SLC2A13: variants seen among roughly 807,000 people sequenced by gnomAD.
SLC2A13 encodes proton myo-inositol cotransporter.
Under a neutral mutation model 64.4 loss-of-function variants are expected in SLC2A13, and 32 were observed. The observed-to-expected ratio is 0.50, with a 90% CI of 0.37 to 0.67. The LOEUF is 0.67. Among genes scored for constraint, SLC2A13 ranks in the 30% least tolerant of loss-of-function variants. The pLI, the probability that SLC2A13 is intolerant of heterozygous loss-of-function variation, is 0.00. For synonymous variants in SLC2A13, 338 were observed against 327.1 expected, an observed-to-expected ratio of 1.03 and a Z score of -0.36; for missense variants, 743 against 829.2, an observed-to-expected ratio of 0.90 and a Z score of 1.28.
intron 4 of SLC2A13, among the ~76,000 whole-genome samples, chr12:39,903,862 T>C (rs987715928): frequency 5.9e-5 from 9 of 152,076 alleles, no homozygotes; most frequent in African/African-American, 2.2e-4. Flanking sequence ...GAGTGGCCTC[T>C]TATATTTACT....
intron 4 of SLC2A13, among the ~76,000 whole-genome samples, chr12:39,896,296 GTA>G (rs1446738710): frequency 3.4e-5 from 4 of 118,450 alleles, no homozygotes; most frequent in Admixed American, 8.6e-5. Flanking sequence ...GTATATGTGT[GTA>G]TATATGTATA....
intron 1 of SLC2A13, among the ~76,000 whole-genome samples, chr12:40,095,634 T>G (rs1013491540): frequency 6.6e-6 from 1 of 152,244 alleles, no homozygotes; most frequent in East Asian, 1.9e-4. Flanking sequence ...TAAATACTTT[T>G]AAACAAAATG....
At chr12:39,929,410 G>A (rs978068359) in intron 4 of SLC2A13, among the ~76,000 whole-genome samples, 3 of 152,026 alleles carry the variant, frequency 2.0e-5, no homozygotes, top group African/African-American at 7.2e-5. Context: ...AATTAGCCAG[G>A]TGTGGTGGTG....
intron 4 of SLC2A13, among the ~76,000 whole-genome samples, chr12:39,896,161 T>C (rs1037456821): frequency 5.4e-5 from 8 of 149,136 alleles, no homozygotes; most frequent in Admixed American, 2.7e-4. Context: ...TATACACGTG[T>C]ATACATATAT....
intron 3 of SLC2A13, among the ~76,000 whole-genome samples, chr12:40,014,916 C>T (rs539729030): frequency 2.6e-5 from 4 of 152,280 alleles, no homozygotes; most frequent in South Asian, 4.1e-4. Context: ...CAAATGACTA[C>T]ACTTTGGGAA....
At chr12:39,903,644 A>AG (rs1424457163) in intron 4 of SLC2A13, among the ~76,000 whole-genome samples, 1 of 152,054 alleles carries the variant, frequency 6.6e-6, no homozygotes, top group Non-Finnish European at 1.5e-5. Flanking sequence ...ATGTGAGCCT[A>AG]GGGCTTCTAC....
intron 1 of SLC2A13, among the ~76,000 whole-genome samples, chr12:40,058,192 C>T (rs1408223313): frequency 6.6e-6 from 1 of 152,062 alleles, no homozygotes; most frequent in Non-Finnish European, 1.5e-5. Context: ...AACAATGTCA[C>T]ATAACTTGTT....
intron 3 of SLC2A13, among the ~76,000 whole-genome samples, chr12:39,991,617 G>A (rs558347675): frequency 6.6e-6 from 1 of 152,210 alleles, no homozygotes; most frequent in South Asian, 2.1e-4. Context: ...TAGAATACAG[G>A]CTACTTACCA....
chr12:39,908,326 G>C (rs1184260576), intron 4 of SLC2A13: 2 of 151,440 alleles, frequency 1.3e-5, no homozygotes, highest in African/African-American at 4.9e-5. Context: ...GCTTGCTCTG[G>C]GGTTATGAGT....
In SLC2A13 at chr12:39,971,368, T is replaced by A. The variant is rs28370719; in HGVS notation, c.926-20003A>T. Among the ~76,000 whole-genome samples the A allele has an allele frequency of 2.8e-3, 434 of 152,338 alleles. 5 individuals carry two copies. Among genetic ancestry groups the A allele is most frequent in the African/African-American group, 9.8e-3 (407 of 41,586 alleles). On this transcript the variant is annotated intron_variant, in intron 3 of 9. Coordinates refer to ENST00000280871, the MANE Select transcript of SLC2A13 (RefSeq NM_052885.4). ...AATATAATTTGGTTTTTAAAAATAT[T>A]TCCTTTAGATGTTTTTCACCTAATA...
At position 39,759,393 on chromosome 12, in the gene SLC2A13, T is replaced by G. The variant is rs1940056750; in HGVS notation, c.*633A>C. The G allele has an allele frequency of 6.6e-6, 1 of 152,296 alleles. No individual in the cohort carries two copies. The highest frequency in any genetic ancestry group is 1.5e-5 in the Non-Finnish European group (1 of 67,954). 9.4% of individuals were successfully genotyped at this position (152,296 alleles called of 1,614,324 possible). ...TATTTTCATAATGTTCAAAAGATAG[T>G]GTGCAGAGTCAGTATCTGAAGAACT... On this transcript the variant is annotated 3_prime_UTR_variant, in exon 10 of 10. Coordinates refer to ENST00000280871, the MANE Select transcript of SLC2A13 (RefSeq NM_052885.4).
At chr12:39,773,540 C>T (rs1024101353) in intron 7 of SLC2A13, among the ~76,000 whole-genome samples, 4 of 152,204 alleles carry the variant, frequency 2.6e-5, no homozygotes, top group Non-Finnish European at 5.9e-5. Context: ...ACCTCTCCAT[C>T]ATTTATCTTT....
intron 6 of SLC2A13, among the ~76,000 whole-genome samples, chr12:39,837,281 A>T (rs1352889095): frequency 1.3e-5 from 2 of 149,880 alleles, no homozygotes; most frequent in Admixed American, 1.3e-4. Flanking sequence ...AAAACTGGCT[A>T]GCCATATGTA....
At chr12:39,880,481 T>C (rs555771372) in intron 4 of SLC2A13, among the ~76,000 whole-genome samples, 8 of 152,156 alleles carry the variant, frequency 5.3e-5, no homozygotes, top group Admixed American at 2.6e-4. Flanking sequence ...CAATTGCACA[T>C]ATTTCATACG....
rs190574680 is a variant in SLC2A13, at chr12:39,859,494, C to G, written c.1319+5268G>C. Among the ~76,000 whole-genome samples the G allele has an allele frequency of 1.3e-3, 197 of 151,978 alleles. 1 individual carries two copies. Among genetic ancestry groups the G allele is most frequent in the African/African-American group, 4.5e-3 (186 of 41,468 alleles). ...GACTTTAAGTACCTCTGCAGATGACCCTGGTTAAGACTCTTAATTGAGAAG... is the reference window on the plus strand; with the variant it reads ...GACTTTAAGTACCTCTGCAGATGACGCTGGTTAAGACTCTTAATTGAGAAG... On this transcript the variant is annotated intron_variant, in intron 6 of 9. Coordinates refer to ENST00000280871, the MANE Select transcript of SLC2A13 (RefSeq NM_052885.4).
At chr12:39,811,871 A>G (rs1259575727) in intron 7 of SLC2A13, among the ~76,000 whole-genome samples, 1 of 152,164 alleles carries the variant, frequency 6.6e-6, no homozygotes, top group African/African-American at 2.4e-5. Context: ...TTTCATGTCT[A>G]ATTGGACAAC....
At chr12:39,956,062 A>T (rs1386329507) in intron 3 of SLC2A13, among the ~76,000 whole-genome samples, 1 of 152,236 alleles carries the variant, frequency 6.6e-6, no homozygotes, top group African/African-American at 2.4e-5. Flanking sequence ...AGGTGAACTC[A>T]GGACAGATAT....
intron 3 of SLC2A13, among the ~76,000 whole-genome samples, chr12:39,996,589 G>A (rs1198999741): frequency 6.6e-6 from 1 of 152,146 alleles, no homozygotes; most frequent in Non-Finnish European, 1.5e-5. Flanking sequence ...TGTGGGCTGG[G>A]CCCCCCGCCC....
At chr12:39,901,137 T>C (rs1305922107) in intron 4 of SLC2A13, among the ~76,000 whole-genome samples, 1 of 152,228 alleles carries the variant, frequency 6.6e-6, no homozygotes, top group Non-Finnish European at 1.5e-5. Context: ...GCTAGCCATA[T>C]GTAGAAAGCT....
Sources: allele counts gnomAD v4.1 joint callset (sites outside exome capture counted in the v4.1 genomes callset), GRCh38; gene constraint gnomAD v4.1.1; transcripts MANE v1.5; gene names NCBI Gene and HGNC (gene_info 2026-07-23, HGNC 2026-07-21).